The following HPSE2 variants were observed in gnomAD, a reference collection of about 807,000 sequenced individuals.
HPSE2 encodes the protein inactive heparanase-2.
Under a neutral mutation model 60.5 loss-of-function variants are expected in HPSE2, and 38 were observed. That is an observed-to-expected ratio of 0.63 (90% confidence interval 0.48 to 0.82). The LOEUF (loss-of-function observed/expected upper bound fraction) is 0.82, where lower values mean the gene tolerates loss of function less well. Ranked by LOEUF, HPSE2 falls within the 40% of genes least tolerant of loss-of-function variation. HPSE2 has a pLI of 0.00. For missense variants in HPSE2, 713 were observed against 740.4 expected, an observed-to-expected ratio of 0.96 and a Z score of 0.43; for synonymous variants, 295 against 293.2, an observed-to-expected ratio of 1.01 and a Z score of -0.06.
chr10:98,911,951 C>T (rs948072632), intron 3 of HPSE2, among the ~76,000 whole-genome samples: 1 of 152,006 alleles, frequency 6.6e-6, no homozygotes, highest in Non-Finnish European at 1.5e-5. Context: ...GTTTCCTCTT[C>T]CATAAAATAA....
intron 5 of HPSE2, among the ~76,000 whole-genome samples, chr10:98,700,257 CAGT>C (rs1948366722): frequency 6.8e-6 from 1 of 147,602 alleles, no homozygotes; most frequent in Admixed American, 6.9e-5. Flanking sequence ...TACAAGGCTA[CAGT>C]AACCAAAACA....
At chr10:98,921,267 CATT>C (rs1181908575) in intron 3 of HPSE2, among the ~76,000 whole-genome samples, 4 of 152,254 alleles carry the variant, frequency 2.6e-5, no homozygotes, top group South Asian at 2.1e-4. Context: ...TTATGTATGT[CATT>C]GTTGTTAGTG....
At chr10:98,603,550 C>T (rs1945493158) in intron 9 of HPSE2, among the ~76,000 whole-genome samples, 1 of 151,754 alleles carries the variant, frequency 6.6e-6, no homozygotes, top group African/African-American at 2.4e-5. Flanking sequence ...CTGCCACAGC[C>T]TCCCGAGTAG....
At chr10:98,973,627 T>C (rs989836986) in intron 3 of HPSE2, among the ~76,000 whole-genome samples, 2 of 152,202 alleles carry the variant, frequency 1.3e-5, no homozygotes, top group Non-Finnish European at 2.9e-5. Context: ...CTGAAATATA[T>C]TGTCTTGATG....
intron 3 of HPSE2, among the ~76,000 whole-genome samples, chr10:99,128,054 A>G (rs1453406937): frequency 6.6e-6 from 1 of 152,140 alleles, no homozygotes. Flanking sequence ...CATAAATCTC[A>G]TAGGGTCTAT....
chr10:99,008,112 C>A (rs542013242), intron 3 of HPSE2, among the ~76,000 whole-genome samples: 1 of 152,322 alleles, frequency 6.6e-6, no homozygotes, highest in African/African-American at 2.4e-5. Flanking sequence ...ACCCATAGAG[C>A]ACCAGAGCCC....
chr10:98,498,222 T>C lies in HPSE2; in HGVS notation c.1321-8026A>G, dbSNP rs150858154. Among the ~76,000 whole-genome samples, 683 of 152,186 alleles carry C rather than the reference T, an allele frequency of 4.5e-3. 2 individuals carry two copies. The highest frequency in any genetic ancestry group is 0.015 in the African/African-American group (634 of 41,504). ...CAATCCTGAGAGGACCCACAGACCC[T>C]CTGAAGGAAGTGGACTGCTTCTGCA... is the stretch of plus-strand genomic sequence containing the variant. On this transcript the variant is annotated intron_variant, in intron 9 of 11. Transcript: ENST00000370552.
At chr10:98,815,392 C>T (rs1183420167) in intron 3 of HPSE2, among the ~76,000 whole-genome samples, 1 of 152,196 alleles carries the variant, frequency 6.6e-6, no homozygotes, top group Non-Finnish European at 1.5e-5. Flanking sequence ...TCATGGCTTT[C>T]CTTTCAAAGC....
In HPSE2 at chr10:98,459,624, C is replaced by T; in HGVS notation, c.1729G>A (p.Gly577Ser). 6.2e-7 allele frequency: 1 copy of T among 1,614,122 alleles called. No homozygotes were observed. Residue 577 changes from glycine (G) to serine (S), a missense_variant, in exon 12 of 12, where the codon GGC becomes AGC. By Grantham distance (56) the Gly-to-Ser change is moderately conservative (BLOSUM62 0). Transcript: ENST00000370552. ...TTGACATTCTTGACCACATAAAAGC[C>T]CATGGTGACTGGAGGGATGACCAAT... ...RTLVIPPVTM[G>S]FYVVKNVNAL... is the part of the protein sequence containing the mutation.
the HPSE2 span, among the ~76,000 whole-genome samples, chr10:99,293,285 T>C: frequency 6.6e-6 from 1 of 152,084 alleles, no homozygotes; most frequent in Non-Finnish European, 1.5e-5. Context: ...ATATAGCAAA[T>C]GGTATAAGTT....
rs1165016764 is a variant in HPSE2, at chr10:99,211,454, GACA to G, written c.448+20891_448+20893del. On this transcript the variant is annotated intron_variant, in intron 2 of 11. Transcript: ENST00000370552. ...CCTCACACTACCTGACTTCAAAATA[GACA>G]ACAAAGCTATCGTAATAAAAAGAAA... Among the ~76,000 whole-genome samples, 19 of 151,968 alleles carry G rather than the reference GACA, an allele frequency of 1.3e-4. No individual in the cohort carries two copies. The East Asian group carries it at 3.7e-3, about 29-fold the overall frequency.
intron 6 of HPSE2, among the ~76,000 whole-genome samples, chr10:98,673,130 T>A (rs1947548964): frequency 6.6e-6 from 1 of 152,186 alleles, no homozygotes; most frequent in South Asian, 2.1e-4. Flanking sequence ...AGCTCCCAAA[T>A]GAATAACTGT....
intron 3 of HPSE2, among the ~76,000 whole-genome samples, chr10:98,765,307 A>G (rs1950095821): frequency 6.6e-6 from 1 of 152,232 alleles, no homozygotes; most frequent in African/African-American, 2.4e-5. Flanking sequence ...AAAGTATTTT[A>G]TATGACCATA....
intron 3 of HPSE2, among the ~76,000 whole-genome samples, chr10:99,018,437 A>C (rs1418676950): frequency 6.6e-6 from 1 of 152,218 alleles, no homozygotes; most frequent in East Asian, 1.9e-4. Flanking sequence ...CTCATGGGCA[A>C]ATCACTCCCT....
chr10:98,854,308 T>C (rs1015910063), intron 3 of HPSE2, among the ~76,000 whole-genome samples: 1 of 152,222 alleles, frequency 6.6e-6, no homozygotes, highest in Admixed American at 6.5e-5. Context: ...AGAGATTCAA[T>C]TATGAATTGC....
intron 6 of HPSE2, among the ~76,000 whole-genome samples, chr10:98,647,612 C>T (rs905818802): frequency 1.3e-5 from 2 of 152,152 alleles, no homozygotes; most frequent in African/African-American, 2.4e-5. Context: ...CCTATAAAAC[C>T]TATTCTGCCG....
At chr10:98,460,744 C>T (rs904185173) in intron 11 of HPSE2, among the ~76,000 whole-genome samples, 1 of 152,210 alleles carries the variant, frequency 6.6e-6, no homozygotes, top group Non-Finnish European at 1.5e-5. Flanking sequence ...TTCTGTATAG[C>T]CAGCCACTTT....
chr10:98,729,728 C>T (rs1375500202), intron 4 of HPSE2, among the ~76,000 whole-genome samples: 1 of 151,480 alleles, frequency 6.6e-6, no homozygotes, highest in Non-Finnish European at 1.5e-5. Flanking sequence ...AAAAACATTA[C>T]TAGAGATAAT....
At chr10:98,475,847 G>T (rs1940990724) in intron 11 of HPSE2, among the ~76,000 whole-genome samples, 2 of 152,164 alleles carry the variant, frequency 1.3e-5, no homozygotes, top group African/African-American at 4.8e-5. Context: ...ACTTTTAAAA[G>T]GGTCTGAGCA....
Sources: allele counts gnomAD v4.1 joint callset (sites outside exome capture counted in the v4.1 genomes callset), GRCh38; gene constraint gnomAD v4.1.1; transcripts MANE v1.5; gene names NCBI Gene and HGNC (gene_info 2026-07-23, HGNC 2026-07-21).